The following HS3ST2 variants were observed in gnomAD, a reference collection of about 807,000 sequenced individuals.
HS3ST2 encodes the protein heparan sulfate glucosamine 3-O-sulfotransferase 2.
HS3ST2 carries 17 observed loss-of-function variants against 26.3 expected under a neutral mutation model. That is an observed-to-expected ratio of 0.65 (90% CI 0.44 to 0.97). The LOEUF (loss-of-function observed/expected upper bound fraction) is 0.97. Among genes scored for constraint, HS3ST2 ranks in the 50% least tolerant of loss-of-function variants. The pLI is 0.00. For missense variants in HS3ST2, 402 were observed against 501.2 expected (o/e 0.80, Z 1.89); for synonymous variants, 237 against 219.2 (o/e 1.08, Z -0.72).
At chr16:22,852,443 C>T (rs1043864585) in intron 1 of HS3ST2, among the ~76,000 whole-genome samples, 13 of 152,130 alleles carry the variant, frequency 8.5e-5, no homozygotes, top group Admixed American at 2.0e-4. Context: ...CGCAATCTCC[C>T]TGCTGGCTCT....
intron 1 of HS3ST2, among the ~76,000 whole-genome samples, chr16:22,867,789 T>C (rs1901777646): frequency 6.6e-6 from 1 of 152,192 alleles, no homozygotes; most frequent in South Asian, 2.1e-4. Flanking sequence ...CTCAATCACA[T>C]CCAGGGTATG....
chr16:22,895,519 A>G (rs1330369110), intron 1 of HS3ST2, among the ~76,000 whole-genome samples: 2 of 152,088 alleles, frequency 1.3e-5, no homozygotes, highest in African/African-American at 4.8e-5. Flanking sequence ...ACATTTTCCT[A>G]ATGTATCTTC....
chr16:22,833,623 C>G (rs1197177151), intron 1 of HS3ST2, among the ~76,000 whole-genome samples: 1 of 152,126 alleles, frequency 6.6e-6, no homozygotes, highest in East Asian at 1.9e-4. Context: ...TTGTTATTTC[C>G]TACCATTTTT....
intron 1 of HS3ST2, among the ~76,000 whole-genome samples, chr16:22,816,561 C>T (rs1221733040): frequency 6.6e-6 from 1 of 152,198 alleles, no homozygotes; most frequent in Non-Finnish European, 1.5e-5. Context: ...GGCTAGCTAG[C>T]CTGTGGGTGG....
intron 1 of HS3ST2, among the ~76,000 whole-genome samples, chr16:22,822,436 G>C (rs1901007636): frequency 6.6e-6 from 1 of 152,118 alleles, no homozygotes; most frequent in African/African-American, 2.4e-5. Flanking sequence ...CTAGAGTGCT[G>C]GGATTACAGG....
intron 1 of HS3ST2, among the ~76,000 whole-genome samples, chr16:22,835,543 A>G (rs776600766): frequency 3.3e-5 from 5 of 152,194 alleles, no homozygotes; most frequent in Non-Finnish European, 5.9e-5. Context: ...ACAGCAGCCT[A>G]CTGTCTGACT....
intron 1 of HS3ST2, among the ~76,000 whole-genome samples, chr16:22,861,095 T>C (rs1276319985): frequency 6.6e-6 from 1 of 152,168 alleles, no homozygotes; most frequent in Non-Finnish European, 1.5e-5. Flanking sequence ...CAGGCTGATC[T>C]TGAACTCCTG....
chr16:22,838,753 C>A (rs995329426), intron 1 of HS3ST2, among the ~76,000 whole-genome samples: 2 of 152,210 alleles, frequency 1.3e-5, no homozygotes, highest in Non-Finnish European at 2.9e-5. Context: ...AAAGTCAGTT[C>A]TTCCTCTTGC....
chr16:22,844,426 AG>A lies in HS3ST2; in HGVS notation c.485+29332del, dbSNP rs547787825. Among the ~76,000 whole-genome samples, 14 of 152,208 alleles carry A rather than the reference AG, an allele frequency of 9.2e-5. No individual in the cohort carries two copies. In the South Asian group the frequency reaches 2.9e-3, roughly 32 times the overall value. ...CTTCCCCAGGGTGGCAACCTTTATA[AG>A]ATTCCCAACTCTATGCAGAGTCACA... On this transcript the variant is annotated intron_variant, in intron 1 of 1. Coordinates refer to ENST00000261374, the MANE Select transcript of HS3ST2 (RefSeq NM_006043.2).
At chr16:22,911,600 C>T (rs1330270803) in intron 1 of HS3ST2, among the ~76,000 whole-genome samples, 4 of 152,182 alleles carry the variant, frequency 2.6e-5, no homozygotes, top group African/African-American at 7.2e-5. Context: ...TCCTAGCTTC[C>T]GGTGGCTGCT....
chr16:22,889,575 T>C (rs1416233919), intron 1 of HS3ST2, among the ~76,000 whole-genome samples: 2 of 152,272 alleles, frequency 1.3e-5, no homozygotes, highest in African/African-American at 4.8e-5. Flanking sequence ...AATACAAATA[T>C]TCCAAAATCT....
At chr16:22,820,007 A>T (rs1269114071) in intron 1 of HS3ST2, among the ~76,000 whole-genome samples, 1 of 152,242 alleles carries the variant, frequency 6.6e-6, no homozygotes, top group Non-Finnish European at 1.5e-5. Flanking sequence ...ATCTGTGCTC[A>T]TTGGGTGTGC....
chr16:22,896,451 C>A (rs953297844), intron 1 of HS3ST2, among the ~76,000 whole-genome samples: 2 of 152,202 alleles, frequency 1.3e-5, no homozygotes, highest in African/African-American at 4.8e-5. Flanking sequence ...TTAATGAAAT[C>A]TTTGCCTATA....
chr16:22,894,954 A>G (rs1415937115), intron 1 of HS3ST2, among the ~76,000 whole-genome samples: 1 of 152,002 alleles, frequency 6.6e-6, no homozygotes, highest in Admixed American at 6.6e-5. Context: ...TTTTTTATCC[A>G]CTTATTATCA....
intron 1 of HS3ST2, among the ~76,000 whole-genome samples, chr16:22,900,447 A>G (rs1393356514): frequency 6.6e-6 from 1 of 152,150 alleles, no homozygotes; most frequent in Non-Finnish European, 1.5e-5. Flanking sequence ...GCTGCTCCCC[A>G]CAGTTCTGAT....
intron 1 of HS3ST2, among the ~76,000 whole-genome samples, chr16:22,881,317 C>T (rs1295250888): frequency 6.6e-6 from 1 of 152,196 alleles, no homozygotes; most frequent in Non-Finnish European, 1.5e-5. Flanking sequence ...TGAGAGGACA[C>T]TCTGCCTGCT....
chr16:22,843,150 G>A (rs1901382082), intron 1 of HS3ST2, among the ~76,000 whole-genome samples: 1 of 147,590 alleles, frequency 6.8e-6, no homozygotes, highest in Admixed American at 6.7e-5. Context: ...GTGACTAGAT[G>A]TATGTATGTG....
Position 22,844,727 on chromosome 16 carries a change from C to T in HS3ST2, c.485+29632C>T, listed in dbSNP as rs527308706. Reference sequence around the variant, plus strand: ...TCCTGCTCCCACCATGTAAGACGTGCTTGCTTCACCTTCACTTTCACCTTT... The same window carrying T: ...TCCTGCTCCCACCATGTAAGACGTGTTTGCTTCACCTTCACTTTCACCTTT... On this transcript the variant is annotated intron_variant, in intron 1 of 1. Transcript: ENST00000261374. Among the ~76,000 whole-genome samples the T allele has an allele frequency of 1.2e-4, 18 of 152,232 alleles. No homozygotes were observed. In the South Asian group the frequency reaches 1.2e-3, roughly 11 times the overall value.
intron 1 of HS3ST2, among the ~76,000 whole-genome samples, chr16:22,853,860 AG>A (rs1376035778): frequency 6.6e-6 from 1 of 152,172 alleles, no homozygotes; most frequent in African/African-American, 2.4e-5. Context: ...GCATCCTCTG[AG>A]GCTGATTGTC....
Sources: gnomAD v4.1 joint callset for allele counts (sites outside exome capture counted in the v4.1 genomes callset) on GRCh38, gnomAD v4.1.1 for gene constraint, MANE v1.5 for transcripts, NCBI Gene and HGNC (gene_info 2026-07-23, HGNC 2026-07-21) for gene names.